ITGAX: variants seen among roughly 807,000 people sequenced by gnomAD.
ITGAX encodes the protein integrin alpha-X.
A neutral mutation model predicts 140.2 loss-of-function variants in ITGAX; 99 were observed. The observed-to-expected ratio is 0.71, with a 90% confidence interval of 0.60 to 0.83. ITGAX has a LOEUF of 0.83. Ranked by LOEUF, ITGAX falls within the 40% of genes least tolerant of loss-of-function variation. The probability of loss-of-function intolerance (pLI) is 0.00; values close to 1 mark genes in which losing one functional copy is unlikely to be tolerated. For synonymous variants in ITGAX, 631 were observed against 600.4 expected (o/e 1.05, Z -0.75); for missense variants, 1,444 against 1,482.0 (o/e 0.97, Z 0.42).
chr16:31,372,669 G>C lies in ITGAX; in HGVS notation c.2365G>C (p.Gly789Arg). Residue 789 changes from glycine (G) to arginine (R), a missense_variant and splice_region_variant, in exon 19 of 30, where the codon GGC becomes CGC. Coordinates refer to ENST00000268296, the MANE Select transcript of ITGAX (RefSeq NM_000887.5). ...TCTCGGCATCTCCTTCAGCTTCCCA[G>C]GGTGAGCGCCCCCACCTTAGACCTG... ...DNLGISFSFP[G>R]LKSLLVGSNL... 1 of 1,613,804 alleles carries C rather than the reference G, an allele frequency of 6.2e-7. No individual in the cohort carries two copies. The highest frequency in any genetic ancestry group is 8.5e-7 in the Non-Finnish European group (1 of 1,179,786).
intron 15 of ITGAX, 26 bp downstream of exon 15, chr16:31,371,240 C>A: frequency 6.2e-7 from 1 of 1,602,880 alleles, no homozygotes; most frequent in Admixed American, 1.7e-5. Flanking sequence ...CTCAGAGGCT[C>A]CCCAGGTGGT....
intron 5 of ITGAX, 82 bp downstream of exon 5, chr16:31,357,446 G>C: frequency 1.2e-6 from 1 of 854,212 alleles, no homozygotes. Context: ...AGTCTTGCCA[G>C]AGTGGATCAG....
intron 20 of ITGAX, among the ~76,000 whole-genome samples, chr16:31,375,761 G>C (rs2081014277): frequency 6.6e-6 from 1 of 152,234 alleles, no homozygotes; most frequent in Non-Finnish European, 1.5e-5. Flanking sequence ...AGCGCATTTT[G>C]ATTAACGTAT....
rs1351411701 is a variant in ITGAX at position 31,379,753 on chromosome 16, G to T, written c.2869-4G>T. Reference sequence around the variant, plus strand: ...GGGCTCTGCCCTCAGTGCCCTCTGTGCAGGTCAATAACCTGGGACAGAGGG... The same window carrying T: ...GGGCTCTGCCCTCAGTGCCCTCTGTTCAGGTCAATAACCTGGGACAGAGGG... On this transcript the variant is annotated splice_polypyrimidine_tract_variant and splice_region_variant and intron_variant, in intron 24 of 29. Transcript: ENST00000268296. 1.2e-6 allele frequency: 2 copies of T among 1,613,012 alleles called. No homozygotes were observed. The highest frequency in any genetic ancestry group is 2.2e-5 in the South Asian group (2 of 90,862).
chr16:31,371,587 C>T, intron 16 of ITGAX, 43 bp from the exon 17 acceptor site: 1 of 1,612,174 alleles, frequency 6.2e-7, no homozygotes, highest in African/African-American at 1.3e-5. Flanking sequence ...ATTGTCCACC[C>T]AAGGAGTTCC....
intron 14 of ITGAX, among the ~76,000 whole-genome samples, chr16:31,370,613 C>G (rs780205230): frequency 6.6e-6 from 1 of 152,190 alleles, no homozygotes; most frequent in Non-Finnish European, 1.5e-5. Flanking sequence ...GTTGGACAAA[C>G]TCTGAGGTCC....
At chr16:31,365,783 C>T (rs541219694) in intron 14 of ITGAX, among the ~76,000 whole-genome samples, 2 of 152,158 alleles carry the variant, frequency 1.3e-5, no homozygotes, top group African/African-American at 4.8e-5. Context: ...ATTAGTTGTG[C>T]GTAATGGCGC....
At chr16:31,371,543 C>CA (rs2080960489) in intron 16 of ITGAX, 46 bp downstream of exon 16, 3 of 1,610,016 alleles carry the variant, frequency 1.9e-6, no homozygotes, top group Admixed American at 1.7e-5. Context: ...CCTCTGGAGT[C>CA]CCCCATCCCA....
In ITGAX at chr16:31,376,844, C is replaced by T; in HGVS notation, c.2554C>T (p.Pro852Ser). The change falls in exon 21 of 30, where the codon CCA (proline) becomes TCA (serine). Residue 852 changes from proline (P) to serine (S), a missense_variant. By Grantham distance (74) the Pro-to-Ser change is moderately conservative. Transcript: ENST00000268296. ...CCTGCACCTGACATGTGACAGCGCC[C>T]CAGTTGGGAGCCAGGGCACCTGGAG... ...RSLHLTCDSA[P>S]VGSQGTWSTS... 6.2e-7 allele frequency: 1 copy of T among 1,614,198 alleles called. No homozygotes were observed. The highest frequency in any genetic ancestry group is 8.5e-7 in the Non-Finnish European group (1 of 1,180,038).
chr16:31,379,523 T>G, intron 23 of ITGAX, 45 bp from the exon 24 acceptor site: 1 of 1,533,622 alleles, frequency 6.5e-7, no homozygotes, highest in Non-Finnish European at 8.8e-7. Flanking sequence ...CTTCTGCAGA[T>G]GCCCCATGGT....
chr16:31,379,490 T>C (rs1217521851), intron 23 of ITGAX, 78 bp from the exon 24 acceptor site: 7 of 1,375,820 alleles, frequency 5.1e-6, no homozygotes, highest in Non-Finnish European at 5.0e-6. Context: ...CGACCACCTG[T>C]CCTCTCATGC....
intron 13 of ITGAX, 33 bp from the exon 14 acceptor site, chr16:31,363,132 C>A: frequency 6.2e-7 from 1 of 1,606,032 alleles, no homozygotes; most frequent in Admixed American, 1.7e-5. Context: ...AGGGGTTGCC[C>A]GGGTTGGGCC....
In ITGAX at chr16:31,380,632, C is replaced by T; in HGVS notation, c.3276+8C>T. On this transcript the variant is annotated splice_region_variant and intron_variant, in intron 28 of 29. Coordinates refer to ENST00000268296, the MANE Select transcript of ITGAX (RefSeq NM_000887.5). ...GCATTTATGAGAGCTCAGGTAGAGA[C>T]CATGTGGAGGGCAGCGACCAGGCTG... The T allele has an allele frequency of 1.2e-6, 2 of 1,614,014 alleles. No homozygotes were observed. Among genetic ancestry groups the T allele is most frequent in the Non-Finnish European group, 8.5e-7 (1 of 1,179,892 alleles).
intron 13 of ITGAX, 44 bp from the exon 14 acceptor site, chr16:31,363,121 G>T: frequency 6.2e-7 from 1 of 1,606,512 alleles, no homozygotes; most frequent in South Asian, 1.1e-5. Context: ...GGTGTGGGTG[G>T]AGGGGTTGCC....
chr16:31,380,497 A>T, intron 27 of ITGAX, 26 bp from the exon 28 acceptor site: 1 of 1,614,174 alleles, frequency 6.2e-7, no homozygotes, highest in African/African-American at 1.3e-5. Flanking sequence ...AGCCAGTTCA[A>T]CAGGTTTCCC....
At position 31,360,084 on chromosome 16, in the gene ITGAX, C is replaced by T; in HGVS notation, c.707+19C>T. 1 of 1,606,908 alleles carries T rather than the reference C, an allele frequency of 6.2e-7. No individual in the cohort carries two copies. The highest frequency in any genetic ancestry group is 8.5e-7 in the Non-Finnish European group (1 of 1,179,804). The stretch of plus-strand genomic sequence containing the variant: ...ATGTCGTGTGAGTCCTGATTTCTTC[C>T]AGGCACAGTCCCAAAGCACCCAGGT... On this transcript the variant is annotated intron_variant, in intron 7 of 29. Transcript: ENST00000268296.
chr16:31,365,330 G>C (rs1314958376), intron 14 of ITGAX, among the ~76,000 whole-genome samples: 1 of 152,068 alleles, frequency 6.6e-6, no homozygotes, highest in African/African-American at 2.4e-5. Flanking sequence ...AAGGCACTAA[G>C]TCATATACTT....
chr16:31,356,825 C>A, intron 3 of ITGAX, 97 bp downstream of exon 3: 1 of 974,028 alleles, frequency 1.0e-6, no homozygotes, highest in Non-Finnish European at 1.5e-6. Context: ...TCAGCTTCCA[C>A]TGTGTCTGAG....
intron 14 of ITGAX, among the ~76,000 whole-genome samples, chr16:31,364,685 G>A (rs2142499970): frequency 6.6e-6 from 1 of 152,152 alleles, no homozygotes; most frequent in African/African-American, 2.4e-5. Context: ...AATCCACGCA[G>A]CTGCTTTGGA....
Sources: allele counts gnomAD v4.1 joint callset (sites outside exome capture counted in the v4.1 genomes callset), GRCh38; gene constraint gnomAD v4.1.1; transcripts MANE v1.5; gene names NCBI Gene and HGNC (gene_info 2026-07-23, HGNC 2026-07-21).